CSMD1: variants seen among roughly 807,000 people sequenced by gnomAD.
CSMD1 encodes CUB and Sushi multiple domains 1.
Under a neutral mutation model 417.5 loss-of-function variants are expected in CSMD1, and 213 were observed. The observed-to-expected ratio is 0.51, with a 90% CI of 0.46 to 0.57. The LOEUF is 0.57. Ranked by LOEUF, CSMD1 falls within the 20% of genes least tolerant of loss-of-function variation. The probability of loss-of-function intolerance (pLI) is 0.00; values close to 1 mark genes in which losing one functional copy is unlikely to be tolerated. For synonymous variants in CSMD1, 2,862 were observed against 1,736.8 expected (o/e 1.65, Z -16.11); for missense variants, 6,923 against 4,529.7 (o/e 1.53, Z -15.17).
intron 1 of CSMD1, among the ~76,000 whole-genome samples, chr8:4,729,648 A>G (rs928163040): frequency 1.3e-5 from 2 of 152,236 alleles, no homozygotes; most frequent in East Asian, 1.9e-4. Flanking sequence ...CAAACTTTGC[A>G]TGAGTATCTA....
intron 1 of CSMD1, among the ~76,000 whole-genome samples, chr8:4,747,257 T>G (rs1055749134): frequency 6.6e-6 from 1 of 152,226 alleles, no homozygotes. Context: ...GCCTTTTTCA[T>G]AAGTAGTATT....
chr8:3,542,750 T>C (rs1798493379), intron 10 of CSMD1, among the ~76,000 whole-genome samples: 1 of 152,228 alleles, frequency 6.6e-6, no homozygotes, highest in African/African-American at 2.4e-5. Flanking sequence ...AGGAGCTGAA[T>C]GGAACAGCTT....
At chr8:4,068,701 C>G (rs987131087) in intron 3 of CSMD1, among the ~76,000 whole-genome samples, 2 of 152,006 alleles carry the variant, frequency 1.3e-5, no homozygotes, top group Non-Finnish European at 2.9e-5. Flanking sequence ...TTCAAGATAT[C>G]TAGTGGGGAA....
At chr8:4,906,191 ATCACCCTTTCAC>A (rs1474631655) in intron 1 of CSMD1, among the ~76,000 whole-genome samples, 1 of 152,204 alleles carries the variant, frequency 6.6e-6, no homozygotes, top group Non-Finnish European at 1.5e-5. Flanking sequence ...AGTCTAGAAA[ATCACCCTTTCAC>A]TAGCAGAAGA....
At chr8:3,395,349 TCAAA>T (rs1376038700) in intron 17 of CSMD1, among the ~76,000 whole-genome samples, 2 of 152,210 alleles carry the variant, frequency 1.3e-5, no homozygotes, top group African/African-American at 2.4e-5. Context: ...GGAAGTGTTT[TCAAA>T]CAGAGAAAAG....
intron 5 of CSMD1, among the ~76,000 whole-genome samples, chr8:3,932,165 G>A (rs886607264): frequency 6.7e-6 from 1 of 150,256 alleles, no homozygotes. Flanking sequence ...ATGAAACTCA[G>A]ATATTCCTAA....
chr8:4,299,872 G>A (rs770533136), intron 3 of CSMD1, among the ~76,000 whole-genome samples: 8 of 152,008 alleles, frequency 5.3e-5, no homozygotes, highest in South Asian at 2.1e-4. Flanking sequence ...TTCATGATCT[G>A]CCCACCTCAG....
intron 3 of CSMD1, among the ~76,000 whole-genome samples, chr8:4,142,724 C>G (rs1396897071): frequency 6.6e-6 from 1 of 151,016 alleles, no homozygotes; most frequent in South Asian, 2.1e-4. Context: ...GAGGCCAGAC[C>G]TGACACAACG....
chr8:4,061,139 T>A (rs546429354), intron 3 of CSMD1, among the ~76,000 whole-genome samples: 4 of 152,328 alleles, frequency 2.6e-5, no homozygotes, highest in Non-Finnish European at 4.4e-5. Flanking sequence ...CAGGCTCATC[T>A]CATCCCCATC....
At chr8:4,627,515 TA>T (rs879568738) in intron 2 of CSMD1, among the ~76,000 whole-genome samples, 1 of 152,188 alleles carries the variant, frequency 6.6e-6, no homozygotes, top group Non-Finnish European at 1.5e-5. Flanking sequence ...AGGTATTAAA[TA>T]AAATAACTAT....
chr8:4,108,931 C>A (rs1361827079), intron 3 of CSMD1, among the ~76,000 whole-genome samples: 1 of 152,150 alleles, frequency 6.6e-6, no homozygotes, highest in Non-Finnish European at 1.5e-5. Context: ...AAAATTCCAT[C>A]GCCTTAGAAA....
intron 12 of CSMD1, among the ~76,000 whole-genome samples, chr8:3,416,804 G>A (rs1813181292): frequency 6.6e-6 from 1 of 152,190 alleles, no homozygotes; most frequent in Admixed American, 6.5e-5. Context: ...TCTGTGACCT[G>A]TCTCCACAAG....
At chr8:4,374,647 G>C (rs1468730729) in intron 3 of CSMD1, among the ~76,000 whole-genome samples, 1 of 152,064 alleles carries the variant, frequency 6.6e-6, no homozygotes, top group African/African-American at 2.4e-5. Context: ...TTTTTAGCTG[G>C]ATGTTTTCTG....
intron 3 of CSMD1, among the ~76,000 whole-genome samples, chr8:4,195,940 G>A (rs556227159): frequency 3.9e-5 from 6 of 152,084 alleles, no homozygotes; most frequent in East Asian, 3.9e-4. Context: ...GGCCGGGCGC[G>A]GTGGCTCACG....
chr8:4,508,736 T>G (rs959095180), intron 2 of CSMD1, among the ~76,000 whole-genome samples: 5 of 152,182 alleles, frequency 3.3e-5, no homozygotes, highest in East Asian at 3.9e-4. Flanking sequence ...TCAGATGTAC[T>G]GAAATGTAAA....
At chr8:4,561,558 A>G (rs1012867631) in intron 2 of CSMD1, among the ~76,000 whole-genome samples, 2 of 152,084 alleles carry the variant, frequency 1.3e-5, no homozygotes, top group Non-Finnish European at 2.9e-5. Flanking sequence ...GGCATGCACC[A>G]GTAGCCCCAG....
At chr8:3,946,461 A>C (rs888413355) in intron 5 of CSMD1, among the ~76,000 whole-genome samples, 2 of 152,168 alleles carry the variant, frequency 1.3e-5, no homozygotes, top group Non-Finnish European at 2.9e-5. Flanking sequence ...AAATCGTATT[A>C]TGTAAGTCCT....
chr8:4,531,871 C>T (rs971939876), intron 2 of CSMD1, among the ~76,000 whole-genome samples: 4 of 151,966 alleles, frequency 2.6e-5, no homozygotes, highest in Non-Finnish European at 5.9e-5. Context: ...TCAGTCACTC[C>T]GGAAGAGAAA....
At chr8:3,029,536 A>G (rs1180365769) in intron 50 of CSMD1, 23 bp from the exon 51 acceptor site, 1 of 1,559,692 alleles carries the variant, frequency 6.4e-7, no homozygotes, top group Non-Finnish European at 8.7e-7. Flanking sequence ...CGTACATCAC[A>G]TCATCATTTT....
Sources: gnomAD v4.1 joint callset for allele counts (sites outside exome capture counted in the v4.1 genomes callset) on GRCh38, gnomAD v4.1.1 for gene constraint, MANE v1.5 for transcripts, NCBI Gene and HGNC (gene_info 2026-07-23, HGNC 2026-07-21) for gene names.